Variants in LRRC49 observed in about 807,000 individuals in gnomAD.
The protein encoded by LRRC49 is leucine-rich repeat-containing protein 49.
In LRRC49, 50 loss-of-function variants were observed where a neutral mutation model predicts 83.3. That is an observed-to-expected ratio of 0.60 (90% CI 0.48 to 0.76). LRRC49 has a LOEUF of 0.76. Ranked by LOEUF, LRRC49 falls within the 30% of genes least tolerant of loss-of-function variation. The pLI, the probability that LRRC49 is intolerant of heterozygous loss-of-function variation, is 0.00. For missense variants in LRRC49, 704 were observed against 809.1 expected (o/e 0.87, Z 1.58); for synonymous variants, 286 against 283.3 (o/e 1.01, Z -0.10).
At chr15:70,906,798 C>A (rs1235749606) in intron 5 of LRRC49, among the ~76,000 whole-genome samples, 3 of 152,218 alleles carry the variant, frequency 2.0e-5, no homozygotes, top group African/African-American at 4.8e-5. Flanking sequence ...TAAAAGCAAT[C>A]TAATGCTGTG....
At chr15:70,957,809 G>A (rs914627566) in intron 8 of LRRC49, among the ~76,000 whole-genome samples, 4 of 152,184 alleles carry the variant, frequency 2.6e-5, no homozygotes, top group Admixed American at 1.3e-4. Flanking sequence ...CTTTTGAAAT[G>A]TATCTTAATG....
chr15:70,888,253 A>C (rs573613894), upstream of LRRC49, among the ~76,000 whole-genome samples: 3 of 152,268 alleles, frequency 2.0e-5, no homozygotes, highest in African/African-American at 7.2e-5. Flanking sequence ...ACAAGGTAAG[A>C]GGTATTAATC....
At chr15:70,976,140 T>C (rs868009386) in intron 9 of LRRC49, among the ~76,000 whole-genome samples, 10 of 152,068 alleles carry the variant, frequency 6.6e-5, no homozygotes, top group African/African-American at 2.2e-4. Context: ...CCAGTGAAAG[T>C]TTTGAAGTTG....
chr15:71,007,278 A>T (rs186078336), intron 11 of LRRC49, among the ~76,000 whole-genome samples: 1 of 152,152 alleles, frequency 6.6e-6, no homozygotes, highest in Non-Finnish European at 1.5e-5. Flanking sequence ...CATTGTTAAA[A>T]GCTGATTACT....
At chr15:70,951,552 G>T (rs2036217622) in intron 8 of LRRC49, among the ~76,000 whole-genome samples, 2 of 151,842 alleles carry the variant, frequency 1.3e-5, no homozygotes, top group South Asian at 4.2e-4. Flanking sequence ...TCTTGATTTT[G>T]CTGAGCCTAG....
chr15:70,862,647 T>C (rs4777314), intron 1 of LRRC49, among the ~76,000 whole-genome samples: 146,310 of 150,726 alleles, frequency 0.97, 71,174 homozygotes, highest in East Asian at 1. Flanking sequence ...ACCTAGACAT[T>C]AAGCATCAGG....
intron 3 of LRRC49, 29 bp downstream of exon 3, chr15:70,895,965 G>T: frequency 7.8e-7 from 1 of 1,279,454 alleles, no homozygotes; most frequent in Non-Finnish European, 1.1e-6. Flanking sequence ...GATCAGATGT[G>T]GTTCATCATC....
upstream of LRRC49, among the ~76,000 whole-genome samples, chr15:70,891,567 CTGTGTGTG>C (rs3220843): frequency 0.035 from 4,789 of 137,056 alleles, 144 homozygotes; most frequent in Admixed American, 0.1. Context: ...GGACAAGACT[CTGTGTGTG>C]TGTGTGTGTG....
intron 8 of LRRC49, among the ~76,000 whole-genome samples, chr15:70,938,812 A>T (rs905236391): frequency 6.6e-6 from 1 of 152,084 alleles, no homozygotes; most frequent in Non-Finnish European, 1.5e-5. Flanking sequence ...TTGTACCTTT[A>T]TTTTAAAAAT....
intron 11 of LRRC49, among the ~76,000 whole-genome samples, chr15:70,985,621 C>A (rs1214542328): frequency 6.6e-6 from 1 of 152,164 alleles, no homozygotes; most frequent in African/African-American, 2.4e-5. Context: ...TGTGCAGAAG[C>A]TCTTGAGTTC....
rs376943419 is a variant in LRRC49 at position 71,009,953 on chromosome 15, G to A, written c.1554G>A (p.Arg518=). ...FTLWKYYVLF[R]LSHFSMQKIN... ...TCTGGAAATACTATGTACTGTTTAG[G>A]CTAAGCCATTTCAGTATGCAGAAAA... Residue 518 remains arginine (R), a synonymous_variant, in exon 13 of 16, where the codon AGG becomes AGA. Transcript: ENST00000260382. 2 of 1,604,810 alleles carry A rather than the reference G, an allele frequency of 1.2e-6. No homozygotes were observed. Among genetic ancestry groups the A allele is most frequent in the Non-Finnish European group, 1.7e-6 (2 of 1,175,240 alleles).
chr15:70,854,266 A>G (rs971894309), intron 1 of LRRC49: 16 of 232,424 alleles, frequency 6.9e-5, no homozygotes, highest in Admixed American at 1.9e-4. Context: ...CGCCGCCGCC[A>G]CCACCCCGAC....
chr15:70,918,888 T>A (rs572670337), intron 6 of LRRC49, 162 bp from the exon 7 acceptor site: 116 of 541,160 alleles, frequency 2.1e-4, no homozygotes, highest in African/African-American at 2.1e-3. Context: ...CGTGACTTCA[T>A]GTTATCTACA....
chr15:70,904,541 A>C lies in LRRC49; in HGVS notation c.297-11A>C. The C allele has an allele frequency of 6.2e-7, 1 of 1,600,830 alleles. No individual in the cohort carries two copies. Among genetic ancestry groups the C allele is most frequent in the African/African-American group, 1.3e-5 (1 of 74,604 alleles). On this transcript the variant is annotated splice_polypyrimidine_tract_variant and intron_variant, in intron 4 of 15. Transcript: ENST00000260382. ...ATCATAACCTAATTAACTTTTTAAC[A>C]TTTTTTCTAGACAAAAGCTGACCGT...
rs191380436 is a variant in LRRC49, at chr15:71,018,757, G to A, written c.1703+5844G>A. 1.6e-3 allele frequency among the ~76,000 whole-genome samples: 243 copies of A among 152,096 alleles called. 1 individual carries two copies. Among genetic ancestry groups the A allele is most frequent in the South Asian group, 2.3e-3 (11 of 4,812 alleles). ...GGTTGAAAGATCATTCCCACAAGAC[G>A]GCTCCTCCCCACCAAACCCAGCCTC... On this transcript the variant is annotated intron_variant, in intron 14 of 15. Coordinates refer to ENST00000260382, the MANE Select transcript of LRRC49 (RefSeq NM_017691.5).
In LRRC49 at chr15:71,040,819, CAA is replaced by C. The variant is rs57206118; in HGVS notation, c.1857+3506_1857+3507del. 8.4e-3 allele frequency among the ~76,000 whole-genome samples: 830 copies of C among 98,800 alleles called. 4 individuals are homozygous for C. The highest frequency in any genetic ancestry group is 0.03 in the African/African-American group (730 of 24,068). 64.8% of individuals were successfully genotyped at this position (98,800 alleles called of 152,430 possible). A position where few individuals can be genotyped will look rare whatever the true frequency, so the allele number is the denominator to read the frequency against. The stretch of plus-strand genomic sequence containing the variant: ...TGGGCAACAAAGCAAGACTCCGTCT[CAA>C]AAAAAAAAAAAAAAAAAAGGATTCA... On this transcript the variant is annotated intron_variant, in intron 15 of 15. Transcript: ENST00000260382.
chr15:70,931,535 C>G (rs887227170), intron 7 of LRRC49, among the ~76,000 whole-genome samples: 6 of 151,998 alleles, frequency 3.9e-5, no homozygotes, highest in African/African-American at 1.2e-4. Context: ...CACAAACCTT[C>G]AATTTGTAAA....
intron 8 of LRRC49, 85 bp downstream of exon 8, chr15:70,936,907 G>C: frequency 1.2e-6 from 1 of 853,852 alleles, no homozygotes; most frequent in East Asian, 2.5e-5. Flanking sequence ...AAATACCTTG[G>C]AGAATTTTAC....
intron 11 of LRRC49, among the ~76,000 whole-genome samples, chr15:70,998,232 A>G (rs1046243403): frequency 1.3e-5 from 2 of 152,328 alleles, no homozygotes; most frequent in East Asian, 3.9e-4. Context: ...TTAAAAATTC[A>G]GTAATACTGG....
Sources: allele counts gnomAD v4.1 joint callset (sites outside exome capture counted in the v4.1 genomes callset), GRCh38; gene constraint gnomAD v4.1.1; transcripts MANE v1.5; gene names NCBI Gene and HGNC (gene_info 2026-07-23, HGNC 2026-07-21).